MYH3: variants seen among roughly 807,000 people sequenced by gnomAD.
MYH3 encodes the protein myosin-3.
MYH3 carries 130 observed loss-of-function variants against 238.0 expected under a neutral mutation model. That is an observed-to-expected ratio of 0.55 (90% CI 0.47 to 0.63). The LOEUF (loss-of-function observed/expected upper bound fraction) is 0.63. Among genes scored for constraint, MYH3 ranks in the 30% least tolerant of loss-of-function variants. The pLI, the probability that MYH3 is intolerant of heterozygous loss-of-function variation, is 0.00. For missense variants in MYH3, 1,853 were observed against 2,374.9 expected (o/e 0.78, Z 4.57); for synonymous variants, 880 against 924.1 (o/e 0.95, Z 0.86).
chr17:10,632,011 C>T lies in MYH3; in HGVS notation c.4962G>A (p.Thr1654=), dbSNP rs147973323. The part of the protein sequence containing the change: ...LRSVQGQLKD[T]QLHLDDALRG... ...GGAGGGCATCATCCAGGTGGAGCTG[C>T]GTATCCTAGCCAGAGAAAAACGAAC... Residue 1654 remains threonine, a synonymous_variant, in exon 35 of 41, where the codon ACG becomes ACA. Coordinates refer to ENST00000583535, the MANE Select transcript of MYH3 (RefSeq NM_002470.4). The T allele has an allele frequency of 6.3e-5, 101 of 1,613,244 alleles. No homozygotes were observed. Among genetic ancestry groups the T allele is most frequent in the East Asian group, 5.6e-4 (25 of 44,890 alleles).
In MYH3 at chr17:10,635,904, C is replaced by A. The variant is rs190394192; in HGVS notation, c.3857-51G>T. On this transcript the variant is annotated intron_variant, in intron 28 of 40. Coordinates refer to ENST00000583535, the MANE Select transcript of MYH3 (RefSeq NM_002470.4). ...TTTCATTTATTCACTCATTCACTCACCAACTTTCTATTATGTGTAGGGCAC... is the reference window on the plus strand; with the variant it reads ...TTTCATTTATTCACTCATTCACTCAACAACTTTCTATTATGTGTAGGGCAC... The A allele has an allele frequency of 2.7e-6, 4 of 1,474,068 alleles. 1 individual carries two copies. In the South Asian group the frequency reaches 3.4e-5, roughly 13 times the overall value. The allele number at this position is 1,474,068 out of a possible 1,614,324, so 91.3% of individuals were successfully genotyped here.
At position 10,630,319 on chromosome 17, in the gene MYH3, C is replaced by T. The variant is rs144813601; in HGVS notation, c.5426G>A (p.Gly1809Glu). The T allele has an allele frequency of 6.2e-7, 1 of 1,614,076 alleles. No individual in the cohort carries two copies. The highest frequency in any genetic ancestry group is 1.1e-5 in the South Asian group (1 of 91,082). The change falls in exon 37 of 41, where the codon GGG becomes GAG. Residue 1809 changes from glycine to glutamate, a missense_variant. By Grantham distance (98) the Gly-to-Glu change is moderately conservative. This residue lies in a region of MYH3 where 1,044 missense variants were observed against 1,192.6 expected (regional missense o/e 0.88). Coordinates refer to ENST00000583535, the MANE Select transcript of MYH3 (RefSeq NM_002470.4). ...CTCCAGTTTCTGGATCTGCTTCTTC[C>T]CGCCCTTCAGCGCCAGCTGCTCGGC... ...DEAEQLALKG[G>E]KKQIQKLETR...
intron 7 of MYH3, 35 bp downstream of exon 7, chr17:10,649,542 T>C: frequency 6.5e-7 from 1 of 1,542,594 alleles, no homozygotes. Context: ...CAGTTAAAAG[T>C]GGAAGCAAAG....
intron 27 of MYH3, 25 bp from the exon 28 acceptor site, chr17:10,637,960 A>T: frequency 6.2e-7 from 1 of 1,614,088 alleles, no homozygotes; most frequent in African/African-American, 1.3e-5. Flanking sequence ...AAGGGGAGCA[A>T]AGTCAGTCAG....
chr17:10,664,295 G>A, the MYH3 span, among the ~76,000 whole-genome samples: 16 of 152,184 alleles, frequency 1.1e-4, no homozygotes, highest in East Asian at 3.1e-3. Flanking sequence ...GAGGCACTAT[G>A]ATTAGCTACG....
Position 10,642,459 on chromosome 17 carries a change from T to C in MYH3, c.1846A>G (p.Arg616Gly). 1 of 1,614,204 alleles carries C rather than the reference T, an allele frequency of 6.2e-7. No individual in the cohort carries two copies. Among genetic ancestry groups the C allele is most frequent in the Non-Finnish European group, 8.5e-7 (1 of 1,180,024 alleles). The change falls in exon 16 of 41, where the codon AGG (arginine) becomes GGG (glycine). Residue 616 changes from arginine (R) to glycine (G), a missense_variant. Physicochemically the swap from Arg to Gly is moderately radical, Grantham distance 125 (BLOSUM62 -2). This residue lies in a region of MYH3 where 678 missense variants were observed against 1,058.9 expected (regional missense o/e 0.64). Transcript: ENST00000583535. This position sits in a 1 kb window ranked among gnomAD's most constrained non-coding sequence, Gnocchi z 5.4. ...GTGGCATAGAGGTGTGCCAGGAGCC[T>C]GTTGGAAGACTTCTGGTACAGCCCA... Reference protein sequence around the residue: ...VVGLYQKSSNRLLAHLYATFA... With the variant: ...VVGLYQKSSNGLLAHLYATFA...
At chr17:10,644,730 G>A (rs1279192319) in intron 12 of MYH3, 28 bp from the exon 13 acceptor site, 1 of 1,534,272 alleles carries the variant, frequency 6.5e-7, no homozygotes, top group Non-Finnish European at 9.0e-7. Flanking sequence ...ACAGTGCTTA[G>A]AAAAGTAGAA....
In MYH3 at chr17:10,651,647, C is replaced by T. The variant is rs775870387; in HGVS notation, c.370G>A (p.Val124Ile). 6 of 1,613,806 alleles carry T rather than the reference C, an allele frequency of 3.7e-6. No individual in the cohort carries two copies. In the African/African-American group the frequency reaches 5.3e-5, roughly 14 times the overall value. ...MIYTYSGLFCVTVNPYKWLPV... is the reference protein window; with the variant it reads ...MIYTYSGLFCITVNPYKWLPV... ...AGCCACTTGTAGGGGTTGACAGTGA[C>T]ACAGAAGAGGCCTGAGTAGGTCTGT... Residue 124 changes from valine (V) to isoleucine (I), a missense_variant, in exon 5 of 41, where the codon GTC (valine) becomes ATC (isoleucine). Val to Ile is a conservative substitution (Grantham distance 29). This residue lies in a region of MYH3 where 678 missense variants were observed against 1,058.9 expected (regional missense o/e 0.64). Transcript: ENST00000583535.
rs767621798 is a variant in MYH3, at chr17:10,638,432, C to G, written c.3340G>C (p.Ala1114Pro). ...TCCTCTTCCAGCTCCTCAATTCGAG[C>G]CTGTGGAGGGCAGCCGTTCACCCCG... Reference protein sequence around the residue: ...QFQKKIKELQARIEELEEEIE... With the variant: ...QFQKKIKELQPRIEELEEEIE... The change falls in exon 27 of 41, where the codon GCT (alanine) becomes CCT (proline). Residue 1114 changes from alanine (A) to proline (P), a missense_variant and splice_region_variant. Around this residue, in one of 3 missense-constraint regions of MYH3, gnomAD observed 1,044 missense variants for 1,192.6 expected, o/e 0.88. Coordinates refer to ENST00000583535, the MANE Select transcript of MYH3 (RefSeq NM_002470.4). 6.3e-7 allele frequency: 1 copy of G among 1,599,850 alleles called. No individual in the cohort carries two copies. The highest frequency in any genetic ancestry group is 2.2e-5 in the East Asian group (1 of 44,840).
intron 22 of MYH3, 94 bp downstream of exon 22, chr17:10,639,902 A>G: frequency 6.3e-7 from 1 of 1,588,952 alleles, no homozygotes; most frequent in Non-Finnish European, 8.5e-7. Flanking sequence ...ATTTCAACTA[A>G]AAAGCAAAAA....
the MYH3 span, among the ~76,000 whole-genome samples, chr17:10,664,061 TTAAAAA>T: frequency 4.3e-5 from 5 of 115,024 alleles, no homozygotes; most frequent in Non-Finnish European, 4.9e-5. Context: ...AGACTCCGTC[TTAAAAA>T]AAAAAAAAAA....
At chr17:10,664,163 TAG>T in the MYH3 span, among the ~76,000 whole-genome samples, 8 of 152,084 alleles carry the variant, frequency 5.3e-5, no homozygotes, top group Non-Finnish European at 1.0e-4. Flanking sequence ...GAAGGTTATG[TAG>T]AGTCTTATAA....
Position 10,644,760 on chromosome 17 carries a change from C to G in MYH3, c.1142-58G>C, listed in dbSNP as rs1255173439. ...GTAGAAGAGCTGCTTTGAAAATCAT[C>G]CAGAAGTTTCAAAGGTTGGTTAAGT... On this transcript the variant is annotated intron_variant, in intron 12 of 40. Coordinates refer to ENST00000583535, the MANE Select transcript of MYH3 (RefSeq NM_002470.4). 2.2e-6 allele frequency: 3 copies of G among 1,374,322 alleles called. No homozygotes were observed. The African/African-American group carries it at 4.3e-5, about 20-fold the overall frequency. 85.1% of individuals were successfully genotyped at this position (1,374,322 alleles called of 1,614,324 possible). A position where few individuals can be genotyped will look rare whatever the true frequency, so the allele number is the denominator to read the frequency against.
rs1394474756 is a variant in MYH3, at chr17:10,631,825, C to T, written c.5148G>A (p.Leu1716=). The T allele has an allele frequency of 6.2e-7, 1 of 1,614,046 alleles. No homozygotes were observed. The highest frequency in any genetic ancestry group is 1.3e-5 in the African/African-American group (1 of 74,906). ...ELLDSNERVQ[L]LHTQNTSLIH... is the part of the protein sequence containing the mutation. Reference sequence around the variant, plus strand: ...TCCCTCCCCTCACCTGGGTATGCAGCAGCTGCACCCTCTCGTTGGAGTCCA... The same window carrying T: ...TCCCTCCCCTCACCTGGGTATGCAGTAGCTGCACCCTCTCGTTGGAGTCCA... The change falls in exon 35 of 41, where the codon CTG becomes CTA. Residue 1716 remains leucine (L), a synonymous_variant. Coordinates refer to ENST00000583535, the MANE Select transcript of MYH3 (RefSeq NM_002470.4).
chr17:10,675,908 T>C, the MYH3 span: 3 of 152,170 alleles, frequency 2.0e-5, no homozygotes, highest in African/African-American at 7.2e-5. Context: ...CAAAGTCACA[T>C]GTATGACATG....
chr17:10,655,245 A>T (rs2074416405), intron 2 of MYH3, among the ~76,000 whole-genome samples, 173 bp from the exon 3 acceptor site: 1 of 152,156 alleles, frequency 6.6e-6, no homozygotes, highest in Admixed American at 6.5e-5. Flanking sequence ...AAAGGGCTTC[A>T]GTGCTGGGAA....
the MYH3 span, among the ~76,000 whole-genome samples, chr17:10,667,083 G>A: frequency 6.6e-6 from 1 of 152,186 alleles, no homozygotes; most frequent in Non-Finnish European, 1.5e-5. Flanking sequence ...TGTTGGCAAA[G>A]CTGTCATAAC....
rs746765256 is a variant in MYH3 at position 10,637,888 on chromosome 17, C to G, written c.3777G>C (p.Glu1259Asp). 6.2e-7 allele frequency: 1 copy of G among 1,614,182 alleles called. No individual in the cohort carries two copies. Among genetic ancestry groups the G allele is most frequent in the Non-Finnish European group, 8.5e-7 (1 of 1,180,034 alleles). Residue 1259 changes from glutamate (E) to aspartate (D), a missense_variant, in exon 28 of 41, where the codon GAG becomes GAC. This residue lies in a region of MYH3 where 1,044 missense variants were observed against 1,192.6 expected (regional missense o/e 0.88). Transcript: ENST00000583535. ...ICRTLEDQLSEARGKNEEIQR... is the reference protein window; with the variant it reads ...ICRTLEDQLSDARGKNEEIQR... Reference sequence around the variant, plus strand: ...GAATTTCCTCATTCTTGCCCCTGGCCTCACTTAACTGATCCTCCAGGGTTC... The same window carrying G: ...GAATTTCCTCATTCTTGCCCCTGGCGTCACTTAACTGATCCTCCAGGGTTC...
upstream of MYH3, among the ~76,000 whole-genome samples, chr17:10,658,148 AG>A (rs757465371): frequency 2.2e-4 from 33 of 152,242 alleles, no homozygotes; most frequent in South Asian, 1.5e-3. Context: ...AGGGCGGACA[AG>A]GGGGGGCTGT....
Sources: gnomAD v4.1 joint callset for allele counts (sites outside exome capture counted in the v4.1 genomes callset) on GRCh38, gnomAD v4.1.1 for gene constraint, gnomAD v4.1.1 regional missense constraint, Gnocchi (gnomAD v3.1) non-coding constraint, MANE v1.5 for transcripts, NCBI Gene and HGNC (gene_info 2026-07-23, HGNC 2026-07-21) for gene names.